Variants in TIAM1 observed in about 807,000 individuals in gnomAD.
TIAM1 encodes TIAM Rac1 associated GEF 1.
TIAM1 carries 65 observed loss-of-function variants against 163.5 expected under a neutral mutation model. That is an observed-to-expected ratio of 0.40 (90% CI 0.33 to 0.49). The LOEUF is 0.49. TIAM1 is among the 20% of genes least tolerant of loss of function. The pLI is 0.77. For missense variants in TIAM1, 1,789 were observed against 2,044.7 expected, an observed-to-expected ratio of 0.87 and a Z score of 2.41; for synonymous variants, 833 against 810.1, an observed-to-expected ratio of 1.03 and a Z score of -0.48.
chr21:31,219,972 T>C (rs925994811), intron 8 of TIAM1, among the ~76,000 whole-genome samples: 59 of 152,360 alleles, frequency 3.9e-4, no homozygotes, highest in African/African-American at 1.4e-3. Flanking sequence ...AATTATAACA[T>C]GCAGACATGC....
intron 2 of TIAM1, among the ~76,000 whole-genome samples, chr21:31,413,899 C>T (rs891396039): frequency 6.6e-6 from 1 of 152,120 alleles, no homozygotes; most frequent in Non-Finnish European, 1.5e-5. Context: ...CCCCGCAACA[C>T]GAGCTGGGGT....
chr21:31,540,492 A>C (rs1186340293), intron 1 of TIAM1, among the ~76,000 whole-genome samples: 1 of 152,090 alleles, frequency 6.6e-6, no homozygotes, highest in Admixed American at 6.5e-5. Context: ...TAATCCCGGC[A>C]CTTTGGGAAG....
At chr21:31,490,127 G>A (rs1021428194) in intron 1 of TIAM1, among the ~76,000 whole-genome samples, 6 of 152,098 alleles carry the variant, frequency 3.9e-5, no homozygotes, top group Non-Finnish European at 8.8e-5. Flanking sequence ...GTATGCAGAG[G>A]TGCCCATTAT....
rs888628329 is a variant in TIAM1, at chr21:31,186,405, A to AC, written c.2662+595dup. Among the ~76,000 whole-genome samples the AC allele has an allele frequency of 3.9e-5, 6 of 151,972 alleles. No individual in the cohort carries two copies. The East Asian group carries it at 7.7e-4, about 20-fold the overall frequency. On this transcript the variant is annotated intron_variant, in intron 14 of 27. Coordinates refer to ENST00000541036, the MANE Select transcript of TIAM1 (RefSeq NM_001353694.2). ...TCCCCCATGCTCTGCTCCAGGAAGA[A>AC]CCCCCCCAGGATCCCCACACCATCC...
intron 1 of TIAM1, among the ~76,000 whole-genome samples, chr21:31,493,640 C>T (rs2046547424): frequency 6.6e-6 from 1 of 152,198 alleles, no homozygotes; most frequent in Admixed American, 6.5e-5. Flanking sequence ...GACCAGATGC[C>T]AGGCTGCCTT....
intron 1 of TIAM1, among the ~76,000 whole-genome samples, chr21:31,477,402 G>A (rs947106013): frequency 2.0e-5 from 3 of 151,598 alleles, no homozygotes; most frequent in African/African-American, 4.8e-5. Context: ...TGATTTGACC[G>A]ATTCTTGTAC....
intron 2 of TIAM1, among the ~76,000 whole-genome samples, chr21:31,461,726 T>A (rs2045334992): frequency 6.6e-6 from 1 of 152,278 alleles, no homozygotes; most frequent in African/African-American, 2.4e-5. Flanking sequence ...AGTGCAGTAG[T>A]GTGATCATGG....
At chr21:31,431,323 C>G (rs1451545173) in intron 2 of TIAM1, among the ~76,000 whole-genome samples, 1 of 152,156 alleles carries the variant, frequency 6.6e-6, no homozygotes, top group Non-Finnish European at 1.5e-5. Flanking sequence ...GCTTGTTAAA[C>G]CTCTAGTTGT....
At chr21:31,154,150 C>T (rs2083503740) in intron 17 of TIAM1, 97 bp downstream of exon 17, 9 of 1,338,388 alleles carry the variant, frequency 6.7e-6, no homozygotes, top group Middle Eastern at 3.7e-4. Context: ...TCTTCATGAA[C>T]ACAGTTTAAA....
chr21:31,257,570 C>T (rs1342632575), intron 4 of TIAM1, among the ~76,000 whole-genome samples: 1 of 152,044 alleles, frequency 6.6e-6, no homozygotes, highest in Non-Finnish European at 1.5e-5. Flanking sequence ...CCTCCGAGTG[C>T]CACATCACTG....
At chr21:31,546,128 GAA>G (rs1218203637) in intron 1 of TIAM1, among the ~76,000 whole-genome samples, 1 of 148,316 alleles carries the variant, frequency 6.7e-6, no homozygotes, top group African/African-American at 2.5e-5. Context: ...CAACACTAAA[GAA>G]TATTTATAAT....
intron 2 of TIAM1, among the ~76,000 whole-genome samples, chr21:31,404,319 C>T (rs1355617858): frequency 6.6e-6 from 1 of 152,220 alleles, no homozygotes; most frequent in East Asian, 1.9e-4. Flanking sequence ...CATAACTGAG[C>T]TGCTGGACTT....
chr21:31,474,037 A>T (rs1044681908), intron 1 of TIAM1, among the ~76,000 whole-genome samples: 2 of 152,184 alleles, frequency 1.3e-5, no homozygotes, highest in Non-Finnish European at 2.9e-5. Context: ...GGGGGAGCAG[A>T]CATGTCACAA....
intron 4 of TIAM1, among the ~76,000 whole-genome samples, chr21:31,257,149 T>C (rs891964683): frequency 1.3e-5 from 2 of 152,254 alleles, no homozygotes; most frequent in African/African-American, 4.8e-5. Context: ...TACTGGTCAC[T>C]ATTATGAAAT....
chr21:31,179,592 T>C (rs1378018886), intron 15 of TIAM1, among the ~76,000 whole-genome samples: 2 of 151,624 alleles, frequency 1.3e-5, no homozygotes, highest in Non-Finnish European at 1.5e-5. Flanking sequence ...ATTGCAGTTT[T>C]AATGTGTTTT....
intron 2 of TIAM1, among the ~76,000 whole-genome samples, chr21:31,388,163 A>G (rs1419913309): frequency 3.3e-5 from 5 of 151,318 alleles, no homozygotes; most frequent in African/African-American, 1.2e-4. Flanking sequence ...CCTTTTCTTA[A>G]TAAATTACCC....
chr21:31,366,024 T>G (rs1240179475), intron 2 of TIAM1, among the ~76,000 whole-genome samples: 1 of 141,206 alleles, frequency 7.1e-6, no homozygotes, highest in African/African-American at 2.7e-5. Flanking sequence ...GAGGTGGAGG[T>G]TGCAGTGAGC....
chr21:31,349,023 A>T (rs971918120), upstream of TIAM1, among the ~76,000 whole-genome samples: 9 of 152,340 alleles, frequency 5.9e-5, no homozygotes, highest in East Asian at 1.5e-3. Flanking sequence ...TCCAGAATGC[A>T]TTGCAGGGAC....
chr21:31,224,734 A>C (rs1247474792), intron 7 of TIAM1, among the ~76,000 whole-genome samples: 1 of 152,220 alleles, frequency 6.6e-6, no homozygotes, highest in East Asian at 1.9e-4. Flanking sequence ...ATTTAAAAAA[A>C]TACAATGTCA....
Sources: gnomAD v4.1 joint callset for allele counts (sites outside exome capture counted in the v4.1 genomes callset) on GRCh38, gnomAD v4.1.1 for gene constraint, MANE v1.5 for transcripts, NCBI Gene and HGNC (gene_info 2026-07-23, HGNC 2026-07-21) for gene names.